UPK1A: variants seen among roughly 807,000 people sequenced by gnomAD.
UPK1A encodes uroplakin-1a.
In UPK1A, 31 loss-of-function variants were observed where a neutral mutation model predicts 32.3. The observed-to-expected ratio is 0.96, with a 90% CI of 0.72 to 1.30. UPK1A has a LOEUF of 1.30. Ranked by LOEUF, UPK1A falls within the 50% of genes most tolerant of loss-of-function variation. UPK1A has a pLI of 0.00. For synonymous variants in UPK1A, 135 were observed against 137.1 expected (o/e 0.98, Z 0.11); for missense variants, 340 against 357.4 (o/e 0.95, Z 0.39).
intron 2 of UPK1A, chr19:35,668,154 G>A (rs1968026842): frequency 2.1e-6 from 1 of 468,470 alleles, no homozygotes; most frequent in African/African-American, 2.0e-5. Flanking sequence ...GTCAAGGGAG[G>A]GCAGATGGAC....
At chr19:35,673,136 C>G in intron 3 of UPK1A, 96 bp from the exon 4 acceptor site, 1 of 1,356,334 alleles carries the variant, frequency 7.4e-7, no homozygotes, top group African/African-American at 1.4e-5. Flanking sequence ...CTGCCCCAAA[C>G]TTTTTTAAAA....
At chr19:35,675,798 C>T in intron 5 of UPK1A, 42 bp from the exon 6 acceptor site, 1 of 1,568,348 alleles carries the variant, frequency 6.4e-7, no homozygotes, top group Non-Finnish European at 8.7e-7. Context: ...CAACTGTCCT[C>T]TCTGAGCCCG....
At chr19:35,673,336 T>G (rs372519598) in intron 4 of UPK1A, 30 bp downstream of exon 4, 63 of 1,613,138 alleles carry the variant, frequency 3.9e-5, no homozygotes, top group Non-Finnish European at 5.1e-5. Context: ...GGGAGGGGCC[T>G]GACCTGCATG....
chr19:35,674,145 G>A (rs1968145474), intron 5 of UPK1A, among the ~76,000 whole-genome samples: 1 of 151,688 alleles, frequency 6.6e-6, no homozygotes, highest in South Asian at 2.1e-4. Flanking sequence ...CTCAGGATTG[G>A]AGCGATTCTC....
intron 2 of UPK1A, among the ~76,000 whole-genome samples, chr19:35,667,478 G>A (rs896284509): frequency 6.7e-5 from 10 of 150,112 alleles, no homozygotes; most frequent in African/African-American, 9.8e-5. Context: ...GATTACAGGC[G>A]CACACCACCA....
exon 6 of UPK1A, chr19:35,675,963 A>C: frequency 5.0e-6 from 8 of 1,613,818 alleles, no homozygotes; most frequent in Non-Finnish European, 6.8e-6. Context: ...GGGAAACTTC[A>C]TCCCCCTCAA....
exon 8 of UPK1A, chr19:35,678,133 CT>C: frequency 7.7e-7 from 1 of 1,296,574 alleles, no homozygotes; most frequent in Non-Finnish European, 1.0e-6. Context: ...GTCCCTAGCC[CT>C]TACGTCCTTC....
At chr19:35,677,610 G>A (rs1304763709) in intron 6 of UPK1A, among the ~76,000 whole-genome samples, 1 of 151,876 alleles carries the variant, frequency 6.6e-6, no homozygotes, top group East Asian at 1.9e-4. Flanking sequence ...GCACCTACTT[G>A]TGCAGGGCCT....
chr19:35,673,308 T>A lies in UPK1A; in HGVS notation c.360+2T>A, dbSNP rs147885956. 1.9e-6 allele frequency: 3 copies of A among 1,613,614 alleles called. No homozygotes were observed. The highest frequency in any genetic ancestry group is 2.5e-6 in the Non-Finnish European group (3 of 1,179,934). ...ACGTCCTACACCCACCGTGACTACG[T>A]GAGCCCGGCGAGGCCTGGGGAGGGG... is the stretch of plus-strand genomic sequence containing the variant. On this transcript the variant is annotated splice_donor_variant, in intron 4 of 7. Coordinates refer to ENST00000617999, the Ensembl canonical transcript of UPK1A. LOFTEE classifies it high-confidence loss of function.
At chr19:35,666,642 T>G in intron 1 of UPK1A, 104 bp downstream of exon 1, 1 of 629,492 alleles carries the variant, frequency 1.6e-6, no homozygotes. Context: ...GGAGCCCGGG[T>G]GTCCTCTTGT....
At chr19:35,676,312 T>C in intron 6 of UPK1A, 1 of 564,168 alleles carries the variant, frequency 1.8e-6, no homozygotes, top group Non-Finnish European at 3.3e-6. Flanking sequence ...CACCTCAGCT[T>C]CCAGAGCAGC....
At chr19:35,675,930 C>T in exon 6 of UPK1A, 6 of 1,613,924 alleles carry the variant, frequency 3.7e-6, no homozygotes, top group Non-Finnish European at 5.1e-6. Flanking sequence ...GTTCCCCTGG[C>T]CCCCACTGTG....
At chr19:35,671,386 CA>C (rs370178140) in intron 3 of UPK1A, among the ~76,000 whole-genome samples, 106 of 88,666 alleles carry the variant, frequency 1.2e-3, no homozygotes, top group Admixed American at 3.2e-3. Context: ...GACTCTGTCT[CA>C]AAAAAAAAAA....
intron 3 of UPK1A, among the ~76,000 whole-genome samples, chr19:35,671,116 C>T (rs1285342346): frequency 2.6e-5 from 4 of 151,888 alleles, no homozygotes; most frequent in Non-Finnish European, 5.9e-5. Flanking sequence ...GGGCCGGGCT[C>T]GGTGGCTCAC....
intron 6 of UPK1A, among the ~76,000 whole-genome samples, chr19:35,676,554 G>T (rs1968186284): frequency 1.3e-5 from 2 of 151,978 alleles, no homozygotes; most frequent in African/African-American, 4.8e-5. Flanking sequence ...CCCAGGGTCT[G>T]TCTGAACCAG....
At chr19:35,667,796 GTGTT>G (rs1294371108) in intron 2 of UPK1A, among the ~76,000 whole-genome samples, 3 of 150,896 alleles carry the variant, frequency 2.0e-5, no homozygotes, top group African/African-American at 7.3e-5. Context: ...GACTGGCCGT[GTGTT>G]TGTTTTAGAG....
chr19:35,675,861 G>T (rs1310718270), exon 6 of UPK1A: 18 of 1,613,228 alleles, frequency 1.1e-5, no homozygotes, highest in Non-Finnish European at 1.5e-5. Flanking sequence ...TGGCACATCT[G>T]GTCCCATGGA....
intron 3 of UPK1A, among the ~76,000 whole-genome samples, chr19:35,671,458 CT>C (rs34302366): frequency 0.43 from 34,316 of 79,418 alleles, 6,689 homozygotes; most frequent in African/African-American, 0.65. Context: ...CCCCAAATTT[CT>C]TTTTTTTTTT....
chr19:35,670,633 C>T (rs1185427929), intron 3 of UPK1A, among the ~76,000 whole-genome samples: 1 of 139,332 alleles, frequency 7.2e-6, no homozygotes, highest in Non-Finnish European at 1.5e-5. Flanking sequence ...TTGGCTTTAT[C>T]CTGGGTACGA....
Sources: allele counts gnomAD v4.1 joint callset (sites outside exome capture counted in the v4.1 genomes callset), GRCh38; gene constraint gnomAD v4.1.1; transcripts MANE v1.5; gene names NCBI Gene and HGNC (gene_info 2026-07-23, HGNC 2026-07-21).